The following MYT1L variants were observed in gnomAD, a reference collection of about 807,000 sequenced individuals.
MYT1L encodes the protein myelin transcription factor 1-like protein.
A neutral mutation model predicts 126.7 loss-of-function variants in MYT1L; 12 were observed. The ratio of observed to expected loss-of-function variants is 0.09; its 90% CI spans 0.06 to 0.15. MYT1L has a LOEUF of 0.15. Ranked by LOEUF, MYT1L falls within the 10% of genes least tolerant of loss-of-function variation. The probability of loss-of-function intolerance (pLI) is 1.00; values close to 1 mark genes in which losing one functional copy is unlikely to be tolerated. For synonymous variants in MYT1L, 541 were observed against 604.2 expected (o/e 0.90, Z 1.53); for missense variants, 979 against 1,585.2 (o/e 0.62, Z 6.49).
At chr2:2,140,142 TA>T (rs2083730210) in intron 3 of MYT1L, among the ~76,000 whole-genome samples, 1 of 152,204 alleles carries the variant, frequency 6.6e-6, no homozygotes. Flanking sequence ...GAGAGTCCTA[TA>T]AAGCCTTTCA....
At chr2:2,253,150 G>A (rs76100766) in intron 2 of MYT1L, among the ~76,000 whole-genome samples, 1 of 151,896 alleles carries the variant, frequency 6.6e-6, no homozygotes, top group Non-Finnish European at 1.5e-5. Flanking sequence ...AAAAAAAAAA[G>A]AAAAAAAGAG....
chr2:2,042,131 C>T (rs918805724), intron 4 of MYT1L, among the ~76,000 whole-genome samples: 3 of 152,148 alleles, frequency 2.0e-5, no homozygotes, highest in Non-Finnish European at 2.9e-5. Flanking sequence ...AAGGCAGCCC[C>T]GCAATCCTGA....
intron 2 of MYT1L, among the ~76,000 whole-genome samples, chr2:2,257,180 G>A (rs1305217652): frequency 6.6e-6 from 1 of 152,130 alleles, no homozygotes; most frequent in East Asian, 1.9e-4. Context: ...CTACTTGAGA[G>A]AATAATCGCC....
At chr2:1,955,724 C>T (rs909967860) in intron 8 of MYT1L, among the ~76,000 whole-genome samples, 2 of 152,200 alleles carry the variant, frequency 1.3e-5, no homozygotes, top group Admixed American at 6.5e-5. Flanking sequence ...GCTGCCATGT[C>T]TGCACTTTTT....
intron 4 of MYT1L, among the ~76,000 whole-genome samples, chr2:2,011,629 T>C (rs2063837361): frequency 6.6e-6 from 1 of 152,092 alleles, no homozygotes; most frequent in Admixed American, 6.5e-5. Flanking sequence ...AAAAATCATA[T>C]ATTGATAAGG....
intron 2 of MYT1L, among the ~76,000 whole-genome samples, chr2:2,231,121 A>G (rs926711298): frequency 1.3e-5 from 2 of 152,180 alleles, no homozygotes; most frequent in Admixed American, 1.3e-4. Flanking sequence ...CTGCAAACAC[A>G]GCTTTCATTT....
intron 22 of MYT1L, among the ~76,000 whole-genome samples, chr2:1,807,906 C>A (rs1297768645): frequency 6.6e-6 from 1 of 152,116 alleles, no homozygotes; most frequent in African/African-American, 2.4e-5. Flanking sequence ...GTGGGAGGGA[C>A]CTGGTGGGAG....
At chr2:2,330,009 T>C (rs991438233) in intron 1 of MYT1L, among the ~76,000 whole-genome samples, 7 of 152,070 alleles carry the variant, frequency 4.6e-5, no homozygotes, top group Non-Finnish European at 1.0e-4. Flanking sequence ...TAAAACTCTT[T>C]TCTTTTAAAA....
At position 2,073,666 on chromosome 2, in the gene MYT1L, T is replaced by C. The variant is rs1422105499; in HGVS notation, c.-303-19543A>G. ...CCTCCGCATCCTGCCAGTGCGTATC[T>C]TGGACGTTGTATGTCGGTGACTCCC... On this transcript the variant is annotated intron_variant, in intron 3 of 24. Coordinates refer to ENST00000647738, the MANE Select transcript of MYT1L (RefSeq NM_001303052.2). 4.6e-5 allele frequency among the ~76,000 whole-genome samples: 7 copies of C among 152,322 alleles called. No homozygotes were observed. In the East Asian group the frequency reaches 9.7e-4, roughly 21 times the overall value.
chr2:1,850,264 CTCTT>C (rs1029661392), intron 19 of MYT1L, among the ~76,000 whole-genome samples: 5 of 130,920 alleles, frequency 3.8e-5, no homozygotes, highest in East Asian at 2.5e-4. Context: ...TGTCTTTTCT[CTCTT>C]TCTTTTTTAT....
chr2:2,000,915 G>A (rs2062305636), intron 4 of MYT1L, among the ~76,000 whole-genome samples: 1 of 152,196 alleles, frequency 6.6e-6, no homozygotes, highest in African/African-American at 2.4e-5. Flanking sequence ...TGCCAGGCCA[G>A]TCTGCAGTCT....
At chr2:1,850,565 C>T (rs761237157) in intron 19 of MYT1L, among the ~76,000 whole-genome samples, 42 of 152,282 alleles carry the variant, frequency 2.8e-4, no homozygotes, top group Admixed American at 5.2e-4. Flanking sequence ...CAAAGGTTTT[C>T]TTCTTGACCA....
chr2:2,067,907 G>C (rs931089769), intron 3 of MYT1L, among the ~76,000 whole-genome samples: 1 of 152,120 alleles, frequency 6.6e-6, no homozygotes, highest in African/African-American at 2.4e-5. Flanking sequence ...CACCACAAGT[G>C]TATGGAAAAA....
At chr2:2,030,345 C>A (rs969842170) in intron 4 of MYT1L, among the ~76,000 whole-genome samples, 2 of 152,180 alleles carry the variant, frequency 1.3e-5, no homozygotes, top group Non-Finnish European at 2.9e-5. Context: ...GATCCACCCG[C>A]CTCAGCCTCC....
intron 3 of MYT1L, among the ~76,000 whole-genome samples, chr2:2,116,095 T>G (rs953705875): frequency 2.6e-5 from 4 of 152,202 alleles, no homozygotes; most frequent in African/African-American, 9.7e-5. Flanking sequence ...TGACCATGGT[T>G]CCACTCGATG....
chr2:2,067,394 C>A (rs570735267), intron 3 of MYT1L, among the ~76,000 whole-genome samples: 2 of 152,228 alleles, frequency 1.3e-5, no homozygotes, highest in South Asian at 4.1e-4. Flanking sequence ...GAACTGTATT[C>A]TCACATCATA....
chr2:2,083,420 C>T (rs2076043459), intron 3 of MYT1L, among the ~76,000 whole-genome samples: 1 of 152,214 alleles, frequency 6.6e-6, no homozygotes, highest in African/African-American at 2.4e-5. Flanking sequence ...TCACAGCTGT[C>T]TTCACCTTTT....
At chr2:1,989,717 C>A (rs1014862569) in intron 5 of MYT1L, among the ~76,000 whole-genome samples, 1 of 152,080 alleles carries the variant, frequency 6.6e-6, no homozygotes, top group Non-Finnish European at 1.5e-5. Context: ...AGACTAGGGG[C>A]CAGGTGTGGT....
At chr2:2,184,240 T>A (rs957559781) in intron 2 of MYT1L, among the ~76,000 whole-genome samples, 2 of 152,176 alleles carry the variant, frequency 1.3e-5, no homozygotes, top group African/African-American at 2.4e-5. Flanking sequence ...ATTATCTAAA[T>A]ATATTCTTAT....
Sources: gnomAD v4.1 joint callset for allele counts (sites outside exome capture counted in the v4.1 genomes callset) on GRCh38, gnomAD v4.1.1 for gene constraint, MANE v1.5 for transcripts, NCBI Gene and HGNC (gene_info 2026-07-23, HGNC 2026-07-21) for gene names.